Variants in POLN observed in about 807,000 individuals in gnomAD.
The protein encoded by POLN is DNA polymerase N.
POLN carries 108 observed loss-of-function variants against 113.5 expected under a neutral mutation model. That is an observed-to-expected ratio of 0.95 (90% CI 0.81 to 1.12). The LOEUF (loss-of-function observed/expected upper bound fraction) is 1.12, where lower values mean the gene tolerates loss of function less well. Ranked by LOEUF, POLN falls within the 50% of genes most tolerant of loss-of-function variation. POLN has a pLI of 0.00. For synonymous variants in POLN, 386 were observed against 391.5 expected (o/e 0.99, Z 0.17); for missense variants, 1,097 against 1,077.1 (o/e 1.02, Z -0.26).
chr4:2,232,449 T>C (rs908145021), intron 2 of POLN, among the ~76,000 whole-genome samples: 10 of 152,232 alleles, frequency 6.6e-5, no homozygotes, highest in South Asian at 4.1e-4. Flanking sequence ...ACAAATGCTA[T>C]TGTGCCAAGT....
intron 19 of POLN, among the ~76,000 whole-genome samples, chr4:2,101,901 C>T (rs191770397): frequency 6.6e-6 from 1 of 152,230 alleles, no homozygotes; most frequent in Non-Finnish European, 1.5e-5. Context: ...GCTCTTATGC[C>T]CCAGGGCTGA....
intron 3 of POLN, among the ~76,000 whole-genome samples, chr4:2,226,505 G>GT (rs779027277): frequency 1.7e-4 from 26 of 152,244 alleles, no homozygotes; most frequent in Non-Finnish European, 3.5e-4. Flanking sequence ...TGTTGGCAAT[G>GT]TAAGTGGTAG....
At chr4:2,232,575 G>C (rs1734620887) in intron 2 of POLN, among the ~76,000 whole-genome samples, 7 of 152,138 alleles carry the variant, frequency 4.6e-5, no homozygotes. Flanking sequence ...TGGACAGAAG[G>C]TACAGAGAAA....
At chr4:2,108,019 G>C (rs951093815) in intron 19 of POLN, among the ~76,000 whole-genome samples, 6 of 152,142 alleles carry the variant, frequency 3.9e-5, no homozygotes, top group Non-Finnish European at 7.4e-5. Context: ...CCTTTTGCCT[G>C]GTGAGCACCC....
At chr4:2,202,987 G>C (rs566147761) in intron 5 of POLN, among the ~76,000 whole-genome samples, 78 of 152,126 alleles carry the variant, frequency 5.1e-4, no homozygotes, top group Middle Eastern at 3.4e-3. Flanking sequence ...ACTGTACCCT[G>C]GAACAAATGG....
At chr4:2,147,944 G>A (rs1049371672) in intron 16 of POLN, among the ~76,000 whole-genome samples, 2 of 151,792 alleles carry the variant, frequency 1.3e-5, no homozygotes, top group East Asian at 1.9e-4. Flanking sequence ...TGCCCAGCCC[G>A]GTTTTTCATT....
chr4:2,156,526 G>A, intron 16 of POLN: 1 of 584,682 alleles, frequency 1.7e-6, no homozygotes, highest in Non-Finnish European at 3.2e-6. Flanking sequence ...GGGTACGGGT[G>A]TCCTTTTTGC....
At chr4:2,072,322 A>G in intron 25 of POLN, 23 bp from the exon 26 acceptor site, 3 of 1,512,862 alleles carry the variant, frequency 2.0e-6, no homozygotes, top group Non-Finnish European at 2.6e-6. Flanking sequence ...GCCAGAGGTG[A>G]GCCCCACGCC....
chr4:2,089,211 A>G (rs1305099246), intron 20 of POLN: 107 of 1,531,074 alleles, frequency 7.0e-5, no homozygotes, highest in Non-Finnish European at 9.0e-5. Flanking sequence ...TCTTAATCTG[A>G]GAGTTGTATA....
At chr4:2,116,782 G>T (rs1179046793) in intron 19 of POLN, among the ~76,000 whole-genome samples, 1 of 152,142 alleles carries the variant, frequency 6.6e-6, no homozygotes, top group African/African-American at 2.4e-5. Context: ...TTCCAAAGTT[G>T]TTCTTGGCCT....
At chr4:2,132,705 C>T (rs1731755662) in intron 16 of POLN, among the ~76,000 whole-genome samples, 1 of 152,186 alleles carries the variant, frequency 6.6e-6, no homozygotes, top group African/African-American at 2.4e-5. Flanking sequence ...CTTCCACAGA[C>T]TGAAAGAACT....
At position 2,139,485 on chromosome 4, in the gene POLN, C is replaced by A. The variant is rs1731943279; in HGVS notation, c.1732-8195G>T. Among the ~76,000 whole-genome samples the A allele has an allele frequency of 2.0e-5, 3 of 152,216 alleles. No individual in the cohort carries two copies. In the South Asian group the frequency reaches 6.2e-4, roughly 32 times the overall value. On this transcript the variant is annotated intron_variant, in intron 16 of 25. Transcript: ENST00000511885. ...CAATGTGCGCTGCACACAGTGGAAC[C>A]TGCTCTGCATATGTCCCTGTCAAGA...
At chr4:2,179,550 A>T (rs1733082227) in intron 7 of POLN, 85 bp from the exon 8 acceptor site, 1 of 1,284,892 alleles carries the variant, frequency 7.8e-7, no homozygotes, top group Admixed American at 2.0e-5. Context: ...AGTTCAAACG[A>T]ATAGTAGTAG....
rs776986659 is a variant in POLN at position 2,122,324 on chromosome 4, C to T, written c.1982+5789G>A. On this transcript the variant is annotated intron_variant, in intron 19 of 25. Transcript: ENST00000511885. ...ACATACTTTAAAAATTCTATATTGT[C>T]TTATATCTTAACTGGAAGGAAAGCG... is the stretch of plus-strand genomic sequence containing the variant. Among the ~76,000 whole-genome samples, 8 of 152,176 alleles carry T rather than the reference C, an allele frequency of 5.3e-5. No individual in the cohort carries two copies. In the East Asian group the frequency reaches 1.4e-3, roughly 26 times the overall value.
At chr4:2,160,152 T>C (rs1732543879) in intron 13 of POLN, among the ~76,000 whole-genome samples, 1 of 152,232 alleles carries the variant, frequency 6.6e-6, no homozygotes, top group Non-Finnish European at 1.5e-5. Flanking sequence ...GCTGTTCTGG[T>C]AAATGAGAAG....
chr4:2,080,009 C>T, intron 23 of POLN: 2 of 985,530 alleles, frequency 2.0e-6, no homozygotes, highest in Non-Finnish European at 2.4e-6. Context: ...GCTTAGACCC[C>T]CACGGGACTG....
chr4:2,094,363 C>CAAAA (rs57646944), intron 20 of POLN, among the ~76,000 whole-genome samples: 7 of 53,364 alleles, frequency 1.3e-4, no homozygotes, highest in African/African-American at 4.8e-4. Context: ...GTTCTGTCTC[C>CAAAA]AAAAAAAAAA....
At chr4:2,090,610 TG>T in intron 20 of POLN, 1 of 433,298 alleles carries the variant, frequency 2.3e-6, no homozygotes, top group Non-Finnish European at 4.4e-6. Flanking sequence ...ATTCCGATGC[TG>T]GGCCATGACG....
At chr4:2,158,003 G>A (rs1464659952) in intron 14 of POLN, 92 bp from the exon 15 acceptor site, 9 of 910,664 alleles carry the variant, frequency 9.9e-6, no homozygotes, top group Admixed American at 4.5e-5. Flanking sequence ...CCAGGCTGGA[G>A]TGCAGTGGCG....
Sources: allele counts gnomAD v4.1 joint callset (sites outside exome capture counted in the v4.1 genomes callset), GRCh38; gene constraint gnomAD v4.1.1; transcripts MANE v1.5; gene names NCBI Gene and HGNC (gene_info 2026-07-23, HGNC 2026-07-21).